GARRE1: variants seen among roughly 807,000 people sequenced by gnomAD.
GARRE1 encodes the protein granule associated Rac and RHOG effector 1.
GARRE1 carries 49 observed loss-of-function variants against 103.2 expected under a neutral mutation model. That is an observed-to-expected ratio of 0.47 (90% CI 0.38 to 0.60). GARRE1 has a LOEUF of 0.60. Among genes scored for constraint, GARRE1 ranks in the 20% least tolerant of loss-of-function variants. The pLI, the probability that GARRE1 is intolerant of heterozygous loss-of-function variation, is 0.00. For synonymous variants in GARRE1, 505 were observed against 532.8 expected, an observed-to-expected ratio of 0.95 and a Z score of 0.72; for missense variants, 1,199 against 1,370.5, an observed-to-expected ratio of 0.87 and a Z score of 1.98.
intron 1 of GARRE1, among the ~76,000 whole-genome samples, chr19:34,272,330 C>G (rs1381168921): frequency 6.6e-6 from 1 of 152,066 alleles, no homozygotes; most frequent in African/African-American, 2.4e-5. Context: ...TCCCAGATAG[C>G]TGGGATCACA....
At chr19:34,266,116 T>C (rs2073749714) in intron 1 of GARRE1, among the ~76,000 whole-genome samples, 1 of 152,210 alleles carries the variant, frequency 6.6e-6, no homozygotes, top group Non-Finnish European at 1.5e-5. Flanking sequence ...GCATCCTGGG[T>C]TCCTGGAGCA....
chr19:34,319,067 A>G (rs2074072991), intron 2 of GARRE1, among the ~76,000 whole-genome samples: 1 of 152,152 alleles, frequency 6.6e-6, no homozygotes, highest in Non-Finnish European at 1.5e-5. Context: ...ACTGTGGTTT[A>G]TGCAAGAAAG....
At chr19:34,293,750 CTTTTTTT>C (rs71165643) in intron 1 of GARRE1, among the ~76,000 whole-genome samples, 24 of 47,170 alleles carry the variant, frequency 5.1e-4, no homozygotes, top group South Asian at 1.4e-3. Flanking sequence ...ACACATATTT[CTTTTTTT>C]TTTTTTTTTT....
intron 1 of GARRE1, among the ~76,000 whole-genome samples, chr19:34,287,153 A>G (rs1337767124): frequency 6.6e-6 from 1 of 151,816 alleles, no homozygotes; most frequent in Non-Finnish European, 1.5e-5. Context: ...AAAAAAAAAA[A>G]AAGTGTATTC....
intron 1 of GARRE1, among the ~76,000 whole-genome samples, chr19:34,284,683 T>C (rs955955063): frequency 1.3e-5 from 2 of 152,214 alleles, no homozygotes; most frequent in Non-Finnish European, 2.9e-5. Flanking sequence ...CTGAGGTCTT[T>C]CACAATGCGT....
At chr19:34,325,881 C>T (rs1038231770) in intron 3 of GARRE1, among the ~76,000 whole-genome samples, 1 of 152,170 alleles carries the variant, frequency 6.6e-6, no homozygotes, top group Non-Finnish European at 1.5e-5. Flanking sequence ...ACCCCCCACC[C>T]CACCCCACAC....
chr19:34,273,358 CT>C (rs2073799148), intron 1 of GARRE1, among the ~76,000 whole-genome samples: 1 of 152,152 alleles, frequency 6.6e-6, no homozygotes, highest in African/African-American at 2.4e-5. Flanking sequence ...TGGTCCATTT[CT>C]TTGGGGAGTA....
At position 34,327,788 on chromosome 19, in the gene GARRE1, G is replaced by A. The variant is rs2074118732; in HGVS notation, c.864G>A (p.Leu288=). ...ATTTCCAGGCATATAAGATAGCTCT[G>A]GAAAGCTTAGGACACTGTGAATATG... ...DSALQAYKIA[L]ESLGHCEYAM... Residue 288 remains leucine (L), a synonymous_variant, in exon 5 of 14, where the codon CTG becomes CTA. Transcript: ENST00000299505. The A allele has an allele frequency of 1.9e-6, 3 of 1,613,892 alleles. No homozygotes were observed. Among genetic ancestry groups the A allele is most frequent in the Non-Finnish European group, 2.5e-6 (3 of 1,179,886 alleles).
intron 13 of GARRE1, among the ~76,000 whole-genome samples, 155 bp downstream of exon 13, chr19:34,351,747 C>T (rs541844595): frequency 2.0e-5 from 3 of 152,364 alleles, no homozygotes; most frequent in African/African-American, 4.8e-5. Context: ...GGAAGCTCTA[C>T]GGCTGTGCTG....
Position 34,258,455 on chromosome 19 carries a change from CA to C in GARRE1, c.-796+3842del, listed in dbSNP as rs112785359. Among the ~76,000 whole-genome samples the C allele has an allele frequency of 8.0e-3, 1,221 of 152,214 alleles. 8 individuals are homozygous for C. The highest frequency in any genetic ancestry group is 0.027 in the African/African-American group (1,138 of 41,522). On this transcript the variant is annotated intron_variant, in intron 1 of 13. Coordinates refer to ENST00000299505, the MANE Select transcript of GARRE1 (RefSeq NM_014686.5). ...TTTCTCCTGTTCAGTAACCCCTGGA[CA>C]TGTTCCTGAGGCCATGCTTTCTCCA... is the stretch of plus-strand genomic sequence containing the variant.
At chr19:34,347,634 A>T (rs328407) in intron 10 of GARRE1, among the ~76,000 whole-genome samples, 92 of 152,158 alleles carry the variant, frequency 6.0e-4, no homozygotes, top group Non-Finnish European at 1.1e-3. Context: ...GCCTGCCTCT[A>T]TCCTAGGCAT....
At chr19:34,313,726 A>G (rs1469058304) in intron 2 of GARRE1, among the ~76,000 whole-genome samples, 3 of 152,240 alleles carry the variant, frequency 2.0e-5, no homozygotes, top group Non-Finnish European at 4.4e-5. Context: ...TCTTGAGGCC[A>G]TATATCAGGA....
At chr19:34,255,407 C>T (rs1369302877) in intron 1 of GARRE1, among the ~76,000 whole-genome samples, 1 of 152,206 alleles carries the variant, frequency 6.6e-6, no homozygotes, top group East Asian at 1.9e-4. Flanking sequence ...TCCCTCATCC[C>T]CATTATAAAA....
rs74177138 is a variant in GARRE1 at position 34,333,677 on chromosome 19, G to GTTTT, written c.1264-13_1264-10dup. 8.1e-4 allele frequency: 547 copies of GTTTT among 674,250 alleles called. 2 individuals carry two copies. Among genetic ancestry groups the GTTTT allele is most frequent in the South Asian group, 2.0e-3 (106 of 53,330 alleles). 41.8% of individuals were successfully genotyped at this position (674,250 alleles called of 1,614,324 possible). A position where few individuals can be genotyped will look rare whatever the true frequency, so the allele number is the denominator to read the frequency against. On this transcript the variant is annotated intron_variant, in intron 7 of 13. Transcript: ENST00000299505. ...TCTCTCTGAAAGCTGGTTGTTATTTGTTTTTTTTTTTTTTTTTCGATCTTA... is the reference window on the plus strand; with the variant it reads ...TCTCTCTGAAAGCTGGTTGTTATTTGTTTTTTTTTTTTTTTTTTTTTCGATCTTA...
chr19:34,288,046 C>G (rs1457659329), intron 1 of GARRE1, among the ~76,000 whole-genome samples: 1 of 152,122 alleles, frequency 6.6e-6, no homozygotes, highest in Non-Finnish European at 1.5e-5. Context: ...CAAAGGATCT[C>G]GTGTTTTTCT....
At chr19:34,265,548 C>T (rs185640949) in intron 1 of GARRE1, 1 of 152,324 alleles carries the variant, frequency 6.6e-6, no homozygotes, top group East Asian at 1.9e-4. Flanking sequence ...ACCTCTTTCC[C>T]CTCCAGCGCA....
At chr19:34,311,197 G>T (rs1354108264) in intron 2 of GARRE1, among the ~76,000 whole-genome samples, 3 of 151,954 alleles carry the variant, frequency 2.0e-5, no homozygotes, top group Admixed American at 1.3e-4. Context: ...CCATTACATT[G>T]CCCAAGCTGC....
chr19:34,276,604 C>T (rs10416460), intron 1 of GARRE1, among the ~76,000 whole-genome samples: 1 of 152,192 alleles, frequency 6.6e-6, no homozygotes, highest in South Asian at 2.1e-4. Flanking sequence ...TCTGGATAAT[C>T]CTGTTACCTG....
intron 8 of GARRE1, among the ~76,000 whole-genome samples, chr19:34,337,050 GT>G (rs113410326): frequency 0.18 from 20,375 of 115,836 alleles, 1,341 homozygotes; most frequent in Non-Finnish European, 0.24. Context: ...TTTTAGTTCT[GT>G]TTTTTTTTTT....
Sources: allele counts gnomAD v4.1 joint callset (sites outside exome capture counted in the v4.1 genomes callset), GRCh38; gene constraint gnomAD v4.1.1; transcripts MANE v1.5; gene names NCBI Gene and HGNC (gene_info 2026-07-23, HGNC 2026-07-21).